Variants in SCN10A observed in about 807,000 individuals in gnomAD.
The protein encoded by SCN10A is sodium voltage-gated channel alpha subunit 10.
In SCN10A, 162 loss-of-function variants were observed where a neutral mutation model predicts 170.7. The ratio of observed to expected loss-of-function variants is 0.95; its 90% confidence interval spans 0.84 to 1.08. SCN10A has a LOEUF of 1.08. Ranked by LOEUF, SCN10A falls within the 50% of genes least tolerant of loss-of-function variation. The pLI is 0.00. For missense variants in SCN10A, 2,527 were observed against 2,436.9 expected (o/e 1.04, Z -0.78); for synonymous variants, 985 against 904.6 (o/e 1.09, Z -1.59).
At chr3:38,794,990 C>G (rs1226181170) in intron 1 of SCN10A, among the ~76,000 whole-genome samples, 1 of 152,096 alleles carries the variant, frequency 6.6e-6, no homozygotes, top group African/African-American at 2.4e-5. Flanking sequence ...AAGGACCATT[C>G]CTTTCCCTCT....
At chr3:38,757,857 G>A (rs1425231712) in intron 8 of SCN10A, among the ~76,000 whole-genome samples, 2 of 152,138 alleles carry the variant, frequency 1.3e-5, no homozygotes, top group Non-Finnish European at 2.9e-5. Flanking sequence ...TGAGTATTGA[G>A]GTGGGAATGC....
At chr3:38,702,431 T>A (rs2063166232) in intron 26 of SCN10A, among the ~76,000 whole-genome samples, 1 of 152,348 alleles carries the variant, frequency 6.6e-6, no homozygotes, top group Admixed American at 6.5e-5. Context: ...CCATCTCTTT[T>A]AAGCTCCACT....
intron 15 of SCN10A, among the ~76,000 whole-genome samples, chr3:38,737,260 G>T (rs955457549): frequency 6.6e-6 from 1 of 152,084 alleles, no homozygotes; most frequent in African/African-American, 2.4e-5. Context: ...GTGAGCCACC[G>T]CGCCCAGCCT....
intron 1 of SCN10A, among the ~76,000 whole-genome samples, chr3:38,799,684 T>C (rs1052777652): frequency 6.6e-6 from 1 of 152,154 alleles, no homozygotes; most frequent in Admixed American, 6.6e-5. Flanking sequence ...ACAAATTATT[T>C]AATTTCCCTA....
rs995437074 is a variant in SCN10A at position 38,795,092 on chromosome 3, C to T, written c.-32-1050G>A. On this transcript the variant is annotated intron_variant, in intron 1 of 27. Transcript: ENST00000449082. ...CAGCATTTAAAGATGCTTAACTTTC[C>T]TCCAACTTTAAAAACTTTCCCTTGA... Among the ~76,000 whole-genome samples, 6 of 152,044 alleles carry T rather than the reference C, an allele frequency of 3.9e-5. 1 individual carries two copies. The highest frequency in any genetic ancestry group is 1.3e-4 in the Admixed American group (2 of 15,256).
intron 4 of SCN10A, among the ~76,000 whole-genome samples, chr3:38,782,481 G>A (rs1367925537): frequency 1.3e-5 from 2 of 151,832 alleles, no homozygotes; most frequent in African/African-American, 4.8e-5. Flanking sequence ...CTTTGTTCTT[G>A]TATATTTATA....
chr3:38,792,790 G>A lies in SCN10A; in HGVS notation c.271-622C>T, dbSNP rs544522476. On this transcript the variant is annotated intron_variant, in intron 2 of 27. Transcript: ENST00000449082. ...GTAGAACATCAAAAATACAACACAGGTGAGATAATTGTCATGAAGAAGCTC... is the reference window on the plus strand; with the variant it reads ...GTAGAACATCAAAAATACAACACAGATGAGATAATTGTCATGAAGAAGCTC... Among the ~76,000 whole-genome samples, 12 of 152,200 alleles carry A rather than the reference G, an allele frequency of 7.9e-5. 1 individual carries two copies. In the South Asian group the frequency reaches 2.3e-3, roughly 29 times the overall value.
At chr3:38,811,871 G>T (rs1436512524) in intron 1 of SCN10A, among the ~76,000 whole-genome samples, 2 of 152,174 alleles carry the variant, frequency 1.3e-5, no homozygotes, top group Non-Finnish European at 2.9e-5. Flanking sequence ...ATATACTGGA[G>T]CAGGGGAAAC....
intron 21 of SCN10A, among the ~76,000 whole-genome samples, chr3:38,716,285 T>C (rs1235155111): frequency 6.6e-6 from 1 of 152,154 alleles, no homozygotes; most frequent in Non-Finnish European, 1.5e-5. Flanking sequence ...AATCTTATCT[T>C]GAATTCCCAT....
chr3:38,698,595 A>G (rs752647546), intron 27 of SCN10A, 33 bp from the exon 28 acceptor site: 3 of 1,584,954 alleles, frequency 1.9e-6, no homozygotes, highest in East Asian at 2.2e-5. Flanking sequence ...TCTAATTAGT[A>G]TCTCCAGCCA....
chr3:38,803,423 G>A (rs1250147262), intron 1 of SCN10A, among the ~76,000 whole-genome samples: 1 of 152,004 alleles, frequency 6.6e-6, no homozygotes, highest in Non-Finnish European at 1.5e-5. Context: ...ATGATAGACT[G>A]GATTAAGAAA....
At chr3:38,786,700 T>C (rs1047353960) in intron 4 of SCN10A, among the ~76,000 whole-genome samples, 4 of 152,172 alleles carry the variant, frequency 2.6e-5, no homozygotes, top group African/African-American at 9.6e-5. Context: ...TTGATTCTTG[T>C]GTGTGGTGCA....
intron 21 of SCN10A, among the ~76,000 whole-genome samples, chr3:38,717,729 C>A (rs181470229): frequency 6.6e-6 from 1 of 152,354 alleles, no homozygotes; most frequent in Admixed American, 6.5e-5. Flanking sequence ...GCTGGGCAGA[C>A]CTTGCTGCTG....
At chr3:38,705,711 A>G (rs1420209768) in intron 26 of SCN10A, among the ~76,000 whole-genome samples, 2 of 152,120 alleles carry the variant, frequency 1.3e-5, no homozygotes, top group Non-Finnish European at 2.9e-5. Flanking sequence ...ATTGAGTAGT[A>G]TGTGGGGGAA....
chr3:38,718,858 C>T, intron 20 of SCN10A, 32 bp from the exon 21 acceptor site: 1 of 1,606,570 alleles, frequency 6.2e-7, no homozygotes, highest in Admixed American at 1.7e-5. Flanking sequence ...GAATGGCAGG[C>T]TGCCTGGACC....
intron 4 of SCN10A, among the ~76,000 whole-genome samples, chr3:38,781,528 C>T (rs2064139113): frequency 6.6e-6 from 1 of 152,112 alleles, no homozygotes; most frequent in South Asian, 2.1e-4. Flanking sequence ...CCACCATATT[C>T]ACCTGACCTC....
At chr3:38,721,833 T>C (rs2063392922) in intron 20 of SCN10A, among the ~76,000 whole-genome samples, 1 of 152,210 alleles carries the variant, frequency 6.6e-6, no homozygotes, top group South Asian at 2.1e-4. Flanking sequence ...AAGATAGTCC[T>C]TTTTGTATTG....
At chr3:38,802,392 TCCA>T (rs1305749753) in intron 1 of SCN10A, among the ~76,000 whole-genome samples, 1 of 152,164 alleles carries the variant, frequency 6.6e-6, no homozygotes, top group African/African-American at 2.4e-5. Context: ...TTCATCACCT[TCCA>T]CCCAGATGTC....
chr3:38,792,360 C>T (rs193035864), intron 2 of SCN10A, among the ~76,000 whole-genome samples, 192 bp from the exon 3 acceptor site: 1 of 152,032 alleles, frequency 6.6e-6, no homozygotes, highest in Non-Finnish European at 1.5e-5. Context: ...ATATCCTCAC[C>T]CTCTCAGCAA....
Sources: allele counts gnomAD v4.1 joint callset (sites outside exome capture counted in the v4.1 genomes callset), GRCh38; gene constraint gnomAD v4.1.1; transcripts MANE v1.5; gene names NCBI Gene and HGNC (gene_info 2026-07-23, HGNC 2026-07-21).